Variants in ITPRID1 observed in about 807,000 individuals in gnomAD.
ITPRID1 encodes the protein protein ITPRID1.
ITPRID1 carries 96 observed loss-of-function variants against 95.4 expected under a neutral mutation model. The ratio of observed to expected loss-of-function variants is 1.01; its 90% CI spans 0.85 to 1.19. The LOEUF is 1.19. Ranked by LOEUF, ITPRID1 falls within the 50% of genes most tolerant of loss-of-function variation. The pLI, the probability that ITPRID1 is intolerant of heterozygous loss-of-function variation, is 0.00. For synonymous variants in ITPRID1, 510 were observed against 453.6 expected (o/e 1.12, Z -1.58); for missense variants, 1,339 against 1,252.9 (o/e 1.07, Z -1.04).
chr7:31,636,997 A>G (rs1347447949), intron 10 of ITPRID1, among the ~76,000 whole-genome samples: 2 of 149,164 alleles, frequency 1.3e-5, no homozygotes, highest in African/African-American at 5.0e-5. Flanking sequence ...TTGGTTTTTC[A>G]TCCTTGCGAT....
chr7:31,559,361 G>T (rs1369629108), intron 5 of ITPRID1, among the ~76,000 whole-genome samples: 1 of 152,020 alleles, frequency 6.6e-6, no homozygotes, highest in Non-Finnish European at 1.5e-5. Context: ...AATTTGTATA[G>T]AAACACTCAT....
intron 10 of ITPRID1, among the ~76,000 whole-genome samples, chr7:31,599,820 C>T (rs537381841): frequency 1.3e-5 from 2 of 151,640 alleles, no homozygotes; most frequent in Non-Finnish European, 2.9e-5. Flanking sequence ...CTCAGCCTCC[C>T]GAGTAGCTGG....
chr7:31,637,198 C>T (rs888622921), intron 10 of ITPRID1, among the ~76,000 whole-genome samples: 12 of 152,040 alleles, frequency 7.9e-5, no homozygotes, highest in African/African-American at 2.4e-4. Flanking sequence ...AATAAACATA[C>T]GTGTGCATGT....
At chr7:31,610,084 A>T (rs1786798959) in intron 10 of ITPRID1, among the ~76,000 whole-genome samples, 1 of 151,482 alleles carries the variant, frequency 6.6e-6, no homozygotes, top group South Asian at 2.1e-4. Context: ...GAATTGCCTA[A>T]ATTTTCTTCT....
At position 31,596,839 on chromosome 7, in the gene ITPRID1, T is replaced by C. The variant is rs572370781; in HGVS notation, c.1228+13648T>C. ...ATTAAGCTGATTAGTTTTTACTATC[T>C]AAAATTGAAAACATATATTTAAAAA... On this transcript the variant is annotated intron_variant, in intron 10 of 14. Coordinates refer to ENST00000615280, the MANE Select transcript of ITPRID1 (RefSeq NM_001257967.3). Among the ~76,000 whole-genome samples the C allele has an allele frequency of 4.0e-5, 6 of 151,892 alleles. 1 individual carries two copies. The highest frequency in any genetic ancestry group is 1.4e-4 in the African/African-American group (6 of 41,564).
chr7:31,557,584 G>A (rs1784490741), intron 5 of ITPRID1, among the ~76,000 whole-genome samples: 1 of 152,112 alleles, frequency 6.6e-6, no homozygotes, highest in Non-Finnish European at 1.5e-5. Flanking sequence ...CCACAATTAA[G>A]CCAGGTAAAG....
intron 1 of ITPRID1, among the ~76,000 whole-genome samples, chr7:31,548,603 C>T (rs1784177995): frequency 6.6e-6 from 1 of 152,008 alleles, no homozygotes; most frequent in Admixed American, 6.6e-5. Flanking sequence ...TTGGGAGAGT[C>T]TCCAGGAAGG....
At chr7:31,579,533 T>C (rs1481515828) in intron 9 of ITPRID1, among the ~76,000 whole-genome samples, 1 of 152,138 alleles carries the variant, frequency 6.6e-6, no homozygotes, top group Non-Finnish European at 1.5e-5. Context: ...ACAGATACAC[T>C]TTACATCACT....
rs1161510090 is a variant in ITPRID1, at chr7:31,655,275, G to C, written c.*2446G>C. Among the ~76,000 whole-genome samples the C allele has an allele frequency of 6.6e-6, 1 of 152,090 alleles. No homozygotes were observed. The highest frequency in any genetic ancestry group is 2.4e-5 in the African/African-American group (1 of 41,398). ...CAGGCTCAGTGCCACAGTGTGCATG[G>C]TCTCCTGCCCCTCTACCCTGCCCCC... On this transcript the variant is annotated 3_prime_UTR_variant, in exon 15 of 15. Transcript: ENST00000615280.
intron 1 of ITPRID1, among the ~76,000 whole-genome samples, chr7:31,526,235 A>G (rs1252892543): frequency 6.6e-6 from 1 of 152,262 alleles, no homozygotes; most frequent in Admixed American, 6.5e-5. Flanking sequence ...TAGAAAGTGT[A>G]TCGCAGTTGG....
intron 10 of ITPRID1, among the ~76,000 whole-genome samples, chr7:31,617,813 T>C (rs887656889): frequency 1.3e-5 from 2 of 152,180 alleles, no homozygotes; most frequent in African/African-American, 4.8e-5. Flanking sequence ...GATAAAATAT[T>C]TGGAGACTAT....
At chr7:31,545,717 C>T (rs62447342) in intron 1 of ITPRID1, among the ~76,000 whole-genome samples, 83 of 152,224 alleles carry the variant, frequency 5.5e-4, no homozygotes, top group Non-Finnish European at 9.6e-4. Context: ...GAGCACCCTT[C>T]ACATATTTTG....
chr7:31,559,152 C>T (rs1784546223), intron 5 of ITPRID1, among the ~76,000 whole-genome samples: 1 of 152,148 alleles, frequency 6.6e-6, no homozygotes, highest in Non-Finnish European at 1.5e-5. Flanking sequence ...CTAAGTATTT[C>T]TGGGAGTTAT....
intron 10 of ITPRID1, among the ~76,000 whole-genome samples, chr7:31,631,797 ACT>A: frequency 6.6e-6 from 1 of 152,010 alleles, no homozygotes; most frequent in South Asian, 2.1e-4. Flanking sequence ...TAGGATAGAG[ACT>A]CTTCTGCCTG....
rs923991934 is a variant in ITPRID1 at position 31,654,399 on chromosome 7, A to G, written c.*1570A>G. 2.0e-5 allele frequency among the ~76,000 whole-genome samples: 3 copies of G among 152,012 alleles called. No individual in the cohort carries two copies. The highest frequency in any genetic ancestry group is 7.2e-5 in the African/African-American group (3 of 41,434). On this transcript the variant is annotated 3_prime_UTR_variant, in exon 15 of 15. Coordinates refer to ENST00000615280, the MANE Select transcript of ITPRID1 (RefSeq NM_001257967.3). Reference sequence around the variant, plus strand: ...ATCGGTCAGACTATAGGCCATGACCAAGTCTTTGCATCTGAATCCTTTTTC... The same window carrying G: ...ATCGGTCAGACTATAGGCCATGACCGAGTCTTTGCATCTGAATCCTTTTTC...
chr7:31,584,042 C>A (rs1304289244), intron 10 of ITPRID1, among the ~76,000 whole-genome samples: 1 of 152,132 alleles, frequency 6.6e-6, no homozygotes, highest in Non-Finnish European at 1.5e-5. Context: ...GCTTTATCAT[C>A]CTAAATAACA....
chr7:31,652,396 G>A (rs2099843600), intron 14 of ITPRID1, 122 bp from the exon 15 acceptor site: 1 of 1,404,364 alleles, frequency 7.1e-7, no homozygotes, highest in Non-Finnish European at 9.4e-7. Flanking sequence ...ATCTGCTGCT[G>A]GCTCAAAGAG....
chr7:31,652,893 A>G lies in ITPRID1; in HGVS notation c.*64A>G. On this transcript the variant is annotated 3_prime_UTR_variant, in exon 15 of 15. Transcript: ENST00000615280. ...GGCCCAGAACAGATGTAGCAAGGAA[A>G]TTTCAATTTTCCCCAAGGAGAAGGG... 6.4e-7 allele frequency: 1 copy of G among 1,553,856 alleles called. No homozygotes were observed. The highest frequency in any genetic ancestry group is 8.7e-7 in the Non-Finnish European group (1 of 1,148,302).
At chr7:31,658,255 A>G, downstream of ITPRID1, 1 of 1,489,638 alleles carries the variant, frequency 6.7e-7, no homozygotes, top group Non-Finnish European at 8.8e-7. Flanking sequence ...TTTATTTAAC[A>G]CATATTCTCT....
Sources: allele counts gnomAD v4.1 joint callset (sites outside exome capture counted in the v4.1 genomes callset), GRCh38; gene constraint gnomAD v4.1.1; transcripts MANE v1.5; gene names NCBI Gene and HGNC (gene_info 2026-07-23, HGNC 2026-07-21).